The following CFAP299 variants were observed in gnomAD, a reference collection of about 807,000 sequenced individuals.
CFAP299 encodes cilia- and flagella-associated protein 299.
Under a neutral mutation model 27.0 loss-of-function variants are expected in CFAP299, and 21 were observed. That is an observed-to-expected ratio of 0.78 (90% confidence interval 0.55 to 1.12). CFAP299 has a LOEUF of 1.12. CFAP299 is among the 50% of genes most tolerant of loss of function. The pLI is 0.00. For missense variants in CFAP299, 310 were observed against 276.6 expected, an observed-to-expected ratio of 1.12 and a Z score of -0.86; for synonymous variants, 104 against 98.1, an observed-to-expected ratio of 1.06 and a Z score of -0.36.
intron 2 of CFAP299, among the ~76,000 whole-genome samples, chr4:80,527,194 CA>C (rs1733235951): frequency 6.6e-6 from 1 of 151,962 alleles, no homozygotes. Flanking sequence ...TCCTCAGTAC[CA>C]AAACATGCTT....
intron 3 of CFAP299, among the ~76,000 whole-genome samples, chr4:80,685,217 AT>A (rs1367216326): frequency 6.6e-6 from 1 of 152,170 alleles, no homozygotes; most frequent in African/African-American, 2.4e-5. Context: ...TTCATTACTT[AT>A]TCTAAGAAGC....
chr4:80,926,642 T>C (rs567989609), intron 4 of CFAP299, among the ~76,000 whole-genome samples: 2 of 152,172 alleles, frequency 1.3e-5, no homozygotes, highest in Non-Finnish European at 2.9e-5. Context: ...TGTTACTTAC[T>C]GATGACTCAT....
At chr4:80,567,186 A>G (rs7690311) in intron 2 of CFAP299, among the ~76,000 whole-genome samples, 6,914 of 152,098 alleles carry the variant, frequency 0.045, 550 homozygotes, top group African/African-American at 0.16. Context: ...GTGTGCCTCT[A>G]ACAATTGAAA....
At chr4:80,775,847 C>T (rs776220223) in intron 3 of CFAP299, among the ~76,000 whole-genome samples, 1 of 152,092 alleles carries the variant, frequency 6.6e-6, no homozygotes, top group Non-Finnish European at 1.5e-5. Context: ...TTATTTTTAA[C>T]ACATGGAAAT....
chr4:80,335,326 A>G (rs1722078742), upstream of CFAP299, among the ~76,000 whole-genome samples: 1 of 152,114 alleles, frequency 6.6e-6, no homozygotes. Flanking sequence ...CAAAATCATT[A>G]TTTTATTATT....
chr4:80,596,370 G>A (rs1352491092), intron 3 of CFAP299, among the ~76,000 whole-genome samples: 4 of 152,100 alleles, frequency 2.6e-5, no homozygotes, highest in Non-Finnish European at 5.9e-5. Context: ...ACTGCAACGG[G>A]CAAAACCTGC....
intron 3 of CFAP299, among the ~76,000 whole-genome samples, chr4:80,616,134 A>C (rs543545312): frequency 1.1e-4 from 17 of 152,220 alleles, no homozygotes; most frequent in African/African-American, 3.9e-4. Flanking sequence ...TTTCCATGTA[A>C]GTTTTTGCTT....
intron 3 of CFAP299, among the ~76,000 whole-genome samples, chr4:80,781,259 A>T (rs915583608): frequency 6.6e-6 from 1 of 152,010 alleles, no homozygotes; most frequent in African/African-American, 2.4e-5. Flanking sequence ...AATATTGTTG[A>T]TCCTTAAGAC....
At chr4:80,959,945 C>T (rs1190585313) in intron 5 of CFAP299, among the ~76,000 whole-genome samples, 3 of 151,756 alleles carry the variant, frequency 2.0e-5, no homozygotes, top group African/African-American at 7.3e-5. Flanking sequence ...TAAACATATA[C>T]ATTAACATGG....
At chr4:80,860,768 A>T (rs1382732998) in intron 3 of CFAP299, among the ~76,000 whole-genome samples, 2 of 152,070 alleles carry the variant, frequency 1.3e-5, no homozygotes, top group Non-Finnish European at 2.9e-5. Flanking sequence ...TTCCTCTGGA[A>T]GTTTTGTCTC....
the CFAP299 span, among the ~76,000 whole-genome samples, chr4:80,322,853 G>A: frequency 6.6e-6 from 1 of 152,182 alleles, no homozygotes; most frequent in South Asian, 2.1e-4. Context: ...GCCTTCACCT[G>A]TGGGTGAAGT....
intron 3 of CFAP299, among the ~76,000 whole-genome samples, chr4:80,744,110 T>A (rs899749825): frequency 6.6e-6 from 1 of 152,196 alleles, no homozygotes; most frequent in Non-Finnish European, 1.5e-5. Flanking sequence ...GTTCAATGGA[T>A]TAAATTCATG....
At chr4:80,891,509 G>A (rs906762752) in intron 4 of CFAP299, among the ~76,000 whole-genome samples, 23 of 142,294 alleles carry the variant, frequency 1.6e-4, no homozygotes, top group Middle Eastern at 3.2e-3. Flanking sequence ...GTAAACTATC[G>A]CAAGAACAAA....
chr4:80,837,279 T>G (rs1730614966), intron 3 of CFAP299, among the ~76,000 whole-genome samples: 2 of 152,176 alleles, frequency 1.3e-5, no homozygotes, highest in South Asian at 4.1e-4. Context: ...TGTATTTGTT[T>G]TTAATATCTC....
At chr4:80,730,248 C>CTCTCTCTG (rs1553953972) in intron 3 of CFAP299, among the ~76,000 whole-genome samples, 15 of 130,804 alleles carry the variant, frequency 1.1e-4, no homozygotes, top group African/African-American at 4.6e-4. Context: ...CTCTCTCTCT[C>CTCTCTCTG]TGTGTGTGTG....
intron 2 of CFAP299, among the ~76,000 whole-genome samples, chr4:80,494,183 C>T (rs935482366): frequency 3.9e-5 from 6 of 152,206 alleles, no homozygotes; most frequent in African/African-American, 1.2e-4. Context: ...CCAAAAGAGA[C>T]CCTAGATTCC....
intron 1 of CFAP299, 94 bp from the exon 2 acceptor site, chr4:80,362,660 G>T (rs1187449059): frequency 7.8e-7 from 1 of 1,289,692 alleles, no homozygotes; most frequent in South Asian, 1.9e-5. Flanking sequence ...TAAAGCAATT[G>T]CTTGGTATAC....
At chr4:80,703,856 C>G (rs1178580661) in intron 3 of CFAP299, among the ~76,000 whole-genome samples, 2 of 151,626 alleles carry the variant, frequency 1.3e-5, no homozygotes, top group Non-Finnish European at 3.0e-5. Context: ...CAGTCTACTT[C>G]TTATTCAGAT....
At chr4:80,866,004 T>A (rs1732705782) in intron 3 of CFAP299, among the ~76,000 whole-genome samples, 1 of 145,124 alleles carries the variant, frequency 6.9e-6, no homozygotes, top group Non-Finnish European at 1.5e-5. Context: ...ACCAACATGG[T>A]ACATGTATAC....
Sources: gnomAD v4.1 joint callset for allele counts (sites outside exome capture counted in the v4.1 genomes callset) on GRCh38, gnomAD v4.1.1 for gene constraint, MANE v1.5 for transcripts, NCBI Gene and HGNC (gene_info 2026-07-23, HGNC 2026-07-21) for gene names.